TRNT1: variants seen among roughly 807,000 people sequenced by gnomAD.
The protein encoded by TRNT1 is tRNA nucleotidyl transferase 1, also known as CCA tRNA nucleotidyltransferase 1, mitochondrial.
In TRNT1, 44 loss-of-function variants were observed where a neutral mutation model predicts 45.6. The ratio of observed to expected loss-of-function variants is 0.97; its 90% CI spans 0.76 to 1.24. TRNT1 has a LOEUF of 1.24. TRNT1 is among the 50% of genes most tolerant of loss of function. TRNT1 has a pLI of 0.00. For missense variants in TRNT1, 633 were observed against 504.4 expected, an observed-to-expected ratio of 1.25 and a Z score of -2.44; for synonymous variants, 201 against 171.4, an observed-to-expected ratio of 1.17 and a Z score of -1.35.
downstream of TRNT1, among the ~76,000 whole-genome samples, chr3:3,151,499 T>TGGGCCAG (rs1443522370): frequency 2.3e-5 from 1 of 42,832 alleles, no homozygotes. Context: ...AAAGTAAATA[T>TGGGCCAG]TTATATTCTA....
At chr3:3,150,352 G>C (rs111409245), downstream of TRNT1, 218 of 152,340 alleles carry the variant, frequency 1.4e-3, 2 homozygotes, top group South Asian at 3.3e-3. Context: ...AAATGGAAAG[G>C]AACAAAGCCC....
chr3:3,140,352 G>T (rs982192805), intron 3 of TRNT1, among the ~76,000 whole-genome samples, 158 bp from the exon 4 acceptor site: 1 of 152,068 alleles, frequency 6.6e-6, no homozygotes, highest in Non-Finnish European at 1.5e-5. Context: ...ATATCTTTCT[G>T]TTTCAATGTT....
In TRNT1 at chr3:3,148,187, G is replaced by A. The variant is rs371830913; in HGVS notation, c.*33G>A. On this transcript the variant is annotated 3_prime_UTR_variant, in exon 8 of 8. Transcript: ENST00000251607. ...GGCTACTAAAAAGCAGAGCATTTCT[G>A]GTAAGACTAAATTTTCTCCCCTCCC... 2.6e-5 allele frequency: 42 copies of A among 1,598,450 alleles called. No homozygotes were observed. In the African/African-American group the frequency reaches 5.0e-4, roughly 19 times the overall value.
downstream of TRNT1, chr3:3,152,419 AAAAG>A (rs1311898488): frequency 1.3e-6 from 2 of 1,588,522 alleles, no homozygotes; most frequent in Admixed American, 3.6e-5. Flanking sequence ...TTAAGGTAAA[AAAAG>A]AAAAAAAAAA....
chr3:3,141,969 A>G (rs557958845), intron 4 of TRNT1, among the ~76,000 whole-genome samples: 31 of 152,340 alleles, frequency 2.0e-4, no homozygotes, highest in African/African-American at 7.2e-4. Flanking sequence ...TAGAAGAGGA[A>G]ACTTGAGACT....
In TRNT1 at chr3:3,148,560, ATG is replaced by A. The variant is rs1043937525; in HGVS notation, c.*410_*411del. On this transcript the variant is annotated 3_prime_UTR_variant, in exon 8 of 8. Transcript: ENST00000251607. ...GTTACCTTAACAATGACTGTCTATG[ATG>A]TGTCAGTTCTTATCTGAATTCCAAA... The A allele has an allele frequency of 1.3e-5, 2 of 155,050 alleles. No homozygotes were observed. Among genetic ancestry groups the A allele is most frequent in the African/African-American group, 4.8e-5 (2 of 41,476 alleles). 9.6% of individuals were successfully genotyped at this position (155,050 alleles called of 1,614,324 possible).
intron 3 of TRNT1, among the ~76,000 whole-genome samples, chr3:3,140,119 A>T (rs334761): frequency 0.92 from 140,505 of 152,300 alleles, 65,870 homozygotes; most frequent in East Asian, 1. Context: ...CTCAATGGCA[A>T]ATGTTCCATA....
chr3:3,140,707 A>G, intron 4 of TRNT1, 59 bp downstream of exon 4: 2 of 1,562,418 alleles, frequency 1.3e-6, no homozygotes, highest in African/African-American at 2.7e-5. Context: ...TTTTCAAGTA[A>G]AACCTACATT....
rs910961277 is a variant in TRNT1 at position 3,148,545 on chromosome 3, C to G, written c.*391C>G. On this transcript the variant is annotated 3_prime_UTR_variant, in exon 8 of 8. Coordinates refer to ENST00000251607, the MANE Select transcript of TRNT1 (RefSeq NM_182916.3). The stretch of plus-strand genomic sequence containing the variant: ...AATTGAAATAACAGGGTTACCTTAA[C>G]AATGACTGTCTATGATGTGTCAGTT... 6.4e-6 allele frequency: 1 copy of G among 156,646 alleles called. No individual in the cohort carries two copies. The highest frequency in any genetic ancestry group is 2.4e-5 in the African/African-American group (1 of 41,500). 9.7% of individuals were successfully genotyped at this position (156,646 alleles called of 1,614,324 possible).
chr3:3,150,844 C>G (rs747225041), downstream of TRNT1: 1 of 1,607,232 alleles, frequency 6.2e-7, no homozygotes, highest in South Asian at 1.1e-5. Flanking sequence ...TGTTAGATAA[C>G]TTTATCTCTA....
downstream of TRNT1, chr3:3,150,878 A>ATTACT: frequency 6.2e-7 from 1 of 1,613,664 alleles, no homozygotes; most frequent in Non-Finnish European, 8.5e-7. Flanking sequence ...CAAGCAAAGT[A>ATTACT]TTACTTTGTC....
chr3:3,130,461 G>C (rs1704947470), intron 2 of TRNT1: 1 of 157,442 alleles, frequency 6.4e-6, no homozygotes, highest in Non-Finnish European at 1.4e-5. Context: ...AAATGGCCCA[G>C]AATATGTTGA....
In TRNT1 at chr3:3,147,959, A is replaced by G. The variant is rs1706172038; in HGVS notation, c.1110A>G (p.Gly370=). The change falls in exon 8 of 8, where the codon GGA becomes GGG. Residue 370 remains glycine, a synonymous_variant. Coordinates refer to ENST00000251607, the MANE Select transcript of TRNT1 (RefSeq NM_182916.3). ...TATGTGAACTACTGAAGTACCAAGGAGAGCACTGTCTCCTAAAGGAAATGC... is the reference window on the plus strand; with the variant it reads ...TATGTGAACTACTGAAGTACCAAGGGGAGCACTGTCTCCTAAAGGAAATGC... ...TRVCELLKYQ[G]EHCLLKEMQQ... 2 of 1,614,044 alleles carry G rather than the reference A, an allele frequency of 1.2e-6. No individual in the cohort carries two copies. The highest frequency in any genetic ancestry group is 2.7e-5 in the African/African-American group (2 of 75,050).
At chr3:3,129,395 C>T in intron 2 of TRNT1, 1 of 517,068 alleles carries the variant, frequency 1.9e-6, no homozygotes, top group Non-Finnish European at 3.4e-6. Context: ...GCTGGGATTA[C>T]AGGTGTGAGC....
At chr3:3,139,281 C>G (rs1389338589) in intron 3 of TRNT1, among the ~76,000 whole-genome samples, 1 of 152,154 alleles carries the variant, frequency 6.6e-6, no homozygotes. Flanking sequence ...CAAACCTTAC[C>G]TTATTCTTTG....
At chr3:3,140,811 G>A (rs892976112) in intron 4 of TRNT1, 163 bp downstream of exon 4, 38 of 842,752 alleles carry the variant, frequency 4.5e-5, no homozygotes, top group Non-Finnish European at 6.3e-5. Context: ...AGCCGGGCAC[G>A]GTGGGTCACG....
intron 6 of TRNT1, 49 bp from the exon 7 acceptor site, chr3:3,147,401 G>A (rs777888586): frequency 1.9e-6 from 3 of 1,598,508 alleles, no homozygotes; most frequent in Non-Finnish European, 2.6e-6. Context: ...GATATGAGTG[G>A]TTTTTTATCC....
chr3:3,147,373 A>G, intron 6 of TRNT1, 77 bp from the exon 7 acceptor site: 1 of 1,527,050 alleles, frequency 6.5e-7, no homozygotes, highest in South Asian at 1.2e-5. Context: ...TGGATACTAA[A>G]ATGGTGGCAA....
downstream of TRNT1, chr3:3,151,186 C>CTGT: frequency 1.2e-6 from 1 of 853,440 alleles, no homozygotes; most frequent in Non-Finnish European, 1.8e-6. Flanking sequence ...CATACAGTTC[C>CTGT]CTGAAACCTA....
Sources: allele counts gnomAD v4.1 joint callset (sites outside exome capture counted in the v4.1 genomes callset), GRCh38; gene constraint gnomAD v4.1.1; transcripts MANE v1.5; gene names NCBI Gene and HGNC (gene_info 2026-07-23, HGNC 2026-07-21).